The following CTNNA2 variants were observed in gnomAD, a reference collection of about 807,000 sequenced individuals.
CTNNA2 encodes the protein catenin alpha 2, also known as catenin alpha-2.
CTNNA2 carries 42 observed loss-of-function variants against 101.0 expected under a neutral mutation model. That is an observed-to-expected ratio of 0.42 (90% confidence interval 0.32 to 0.54). CTNNA2 has a LOEUF of 0.54. Ranked by LOEUF, CTNNA2 falls within the 20% of genes least tolerant of loss-of-function variation. The pLI is 0.14. For missense variants in CTNNA2, 871 were observed against 1,223.1 expected (o/e 0.71, Z 4.29); for synonymous variants, 450 against 456.4 (o/e 0.99, Z 0.18).
At chr2:80,107,381 G>A (rs1439354072) in intron 7 of CTNNA2, among the ~76,000 whole-genome samples, 2 of 151,794 alleles carry the variant, frequency 1.3e-5, no homozygotes, top group African/African-American at 4.8e-5. Flanking sequence ...TTGGCCCTAG[G>A]AGGAGAGATG....
intron 7 of CTNNA2, among the ~76,000 whole-genome samples, chr2:80,179,193 T>C (rs937148865): frequency 6.6e-6 from 1 of 152,188 alleles, no homozygotes; most frequent in Non-Finnish European, 1.5e-5. Context: ...GATGTGTTAA[T>C]TTGCTCAAGC....
intron 9 of CTNNA2, among the ~76,000 whole-genome samples, chr2:80,481,274 G>A (rs541953916): frequency 6.6e-5 from 10 of 152,158 alleles, no homozygotes; most frequent in East Asian, 3.9e-4. Flanking sequence ...CAGAGGAGTC[G>A]TGGTACAAAT....
chr2:79,437,200 CT>C (rs79772909), intron 4 of CTNNA2, among the ~76,000 whole-genome samples: 6,608 of 150,298 alleles, frequency 0.044, 239 homozygotes, highest in East Asian at 0.11. Flanking sequence ...TGCCATTGCA[CT>C]CCAGCCTAGG....
At chr2:80,555,159 A>ATTTG (rs5832457) in intron 11 of CTNNA2, among the ~76,000 whole-genome samples, 148,766 of 152,214 alleles carry the variant, frequency 0.98, 72,711 homozygotes, top group East Asian at 1. Flanking sequence ...ACTGCGTGAT[A>ATTTG]TTTATTTTTC....
chr2:79,894,041 CTTCTT>C (rs1684506989), intron 6 of CTNNA2, among the ~76,000 whole-genome samples: 1 of 146,088 alleles, frequency 6.8e-6, no homozygotes, highest in Admixed American at 6.9e-5. Flanking sequence ...TCTTCTTCTT[CTTCTT>C]CTTCTTCTTC....
intron 7 of CTNNA2, among the ~76,000 whole-genome samples, chr2:80,064,336 G>A (rs911122918): frequency 4.6e-5 from 7 of 152,182 alleles, no homozygotes; most frequent in African/African-American, 1.7e-4. Flanking sequence ...TCTTTGACAA[G>A]GCCCCAGATG....
intron 7 of CTNNA2, among the ~76,000 whole-genome samples, chr2:80,157,021 G>T (rs1465417302): frequency 6.6e-6 from 1 of 152,096 alleles, no homozygotes; most frequent in East Asian, 1.9e-4. Context: ...CCTATTTCTG[G>T]TTTTCTCACT....
At chr2:79,527,301 A>G (rs574804971) in intron 1 of CTNNA2, among the ~76,000 whole-genome samples, 2 of 151,910 alleles carry the variant, frequency 1.3e-5, no homozygotes, top group Admixed American at 1.3e-4. Context: ...CAAAACCGCA[A>G]TGAAATACGA....
At chr2:79,606,287 A>C (rs1677883872) in intron 1 of CTNNA2, among the ~76,000 whole-genome samples, 1 of 152,182 alleles carries the variant, frequency 6.6e-6, no homozygotes. Context: ...TTTATTTTTG[A>C]GACAGAGTCT....
At chr2:79,438,264 T>A (rs946854425) in intron 4 of CTNNA2, among the ~76,000 whole-genome samples, 2 of 152,142 alleles carry the variant, frequency 1.3e-5, no homozygotes, top group Admixed American at 1.3e-4. Flanking sequence ...CTTTTCCAGC[T>A]CCTTGGCATT....
At chr2:79,727,374 C>T (rs1686914121) in intron 2 of CTNNA2, among the ~76,000 whole-genome samples, 1 of 152,070 alleles carries the variant, frequency 6.6e-6, no homozygotes, top group Admixed American at 6.6e-5. Flanking sequence ...CAGCAGGACT[C>T]CCTGTAAACC....
At chr2:79,704,249 T>C (rs1685198437) in intron 2 of CTNNA2, among the ~76,000 whole-genome samples, 1 of 152,210 alleles carries the variant, frequency 6.6e-6, no homozygotes, top group South Asian at 2.1e-4. Flanking sequence ...GAATCTTGTG[T>C]ATAAATTAAT....
intron 7 of CTNNA2, among the ~76,000 whole-genome samples, chr2:79,932,806 A>T (rs1574345807): frequency 6.6e-6 from 1 of 152,238 alleles, no homozygotes; most frequent in East Asian, 1.9e-4. Context: ...AAACCACCCC[A>T]TCTTCTTCCT....
At chr2:80,409,017 A>G (rs1257549969) in intron 8 of CTNNA2, among the ~76,000 whole-genome samples, 1 of 152,210 alleles carries the variant, frequency 6.6e-6, no homozygotes, top group Admixed American at 6.5e-5. Context: ...TCTGCAAGCT[A>G]TAAAAACAGG....
chr2:80,391,477 T>A (rs1677511421), intron 7 of CTNNA2, among the ~76,000 whole-genome samples: 1 of 152,204 alleles, frequency 6.6e-6, no homozygotes, highest in African/African-American at 2.4e-5. Flanking sequence ...AACTCATAAC[T>A]TTTAATGTTT....
intron 4 of CTNNA2, among the ~76,000 whole-genome samples, chr2:79,433,510 C>T (rs1265246136): frequency 1.3e-5 from 2 of 151,586 alleles, no homozygotes. Context: ...CAATAAGTCT[C>T]TCCTATGAAA....
At chr2:80,451,872 G>A (rs1242452365) in intron 9 of CTNNA2, among the ~76,000 whole-genome samples, 1 of 151,080 alleles carries the variant, frequency 6.6e-6, no homozygotes, top group Non-Finnish European at 1.5e-5. Flanking sequence ...TTTTTTATCG[G>A]AAAAAAAAGA....
intron 9 of CTNNA2, among the ~76,000 whole-genome samples, chr2:80,509,127 C>T (rs879264042): frequency 3.9e-5 from 6 of 152,154 alleles, no homozygotes; most frequent in African/African-American, 9.7e-5. Context: ...TAACCCCTCA[C>T]GTGGGTATAA....
At chr2:80,243,579 C>T (rs1200531003) in intron 7 of CTNNA2, among the ~76,000 whole-genome samples, 2 of 152,106 alleles carry the variant, frequency 1.3e-5, no homozygotes, top group Admixed American at 1.3e-4. Flanking sequence ...TGGGATTTAT[C>T]TACATTGCAT....
Sources: allele counts gnomAD v4.1 joint callset (sites outside exome capture counted in the v4.1 genomes callset), GRCh38; gene constraint gnomAD v4.1.1; transcripts MANE v1.5; gene names NCBI Gene and HGNC (gene_info 2026-07-23, HGNC 2026-07-21).